WDFY4: variants seen among roughly 807,000 people sequenced by gnomAD.
WDFY4 encodes the protein WDFY family member 4.
In WDFY4, 169 loss-of-function variants were observed where a neutral mutation model predicts 351.9. The observed-to-expected ratio is 0.48, with a 90% CI of 0.42 to 0.55. The LOEUF is 0.55. WDFY4 is among the 20% of genes least tolerant of loss of function. The pLI is 0.00. For synonymous variants in WDFY4, 1,622 were observed against 1,574.6 expected, an observed-to-expected ratio of 1.03 and a Z score of -0.71; for missense variants, 3,803 against 3,935.6, an observed-to-expected ratio of 0.97 and a Z score of 0.90.
chr10:48,928,585 G>C (rs1485338857), intron 47 of WDFY4, among the ~76,000 whole-genome samples: 1 of 152,186 alleles, frequency 6.6e-6, no homozygotes, highest in Non-Finnish European at 1.5e-5. Context: ...GGGGCCAAGA[G>C]GACACATTGC....
At chr10:48,911,982 T>G (rs982342246) in intron 47 of WDFY4, among the ~76,000 whole-genome samples, 1 of 152,188 alleles carries the variant, frequency 6.6e-6, no homozygotes, top group East Asian at 1.9e-4. Context: ...TAATACCACT[T>G]CACTGATGGA....
chr10:48,869,542 AT>A (rs35719998), intron 40 of WDFY4, among the ~76,000 whole-genome samples: 88,813 of 148,248 alleles, frequency 0.6, 27,207 homozygotes, highest in East Asian at 0.83. Context: ...CAATCAGCCA[AT>A]TTTTTTTTTT....
At chr10:48,687,148 C>T (rs1297987401) in intron 1 of WDFY4, among the ~76,000 whole-genome samples, 1 of 152,102 alleles carries the variant, frequency 6.6e-6, no homozygotes, top group Non-Finnish European at 1.5e-5. Flanking sequence ...TGTTTATTGG[C>T]CATTTGGGGT....
At chr10:48,796,217 G>C (rs2066869773) in intron 23 of WDFY4, 81 bp from the exon 24 acceptor site, 1 of 1,457,292 alleles carries the variant, frequency 6.9e-7, no homozygotes, top group Non-Finnish European at 9.2e-7. Flanking sequence ...AAGGTTTGCA[G>C]ACTGGACTGG....
intron 47 of WDFY4, chr10:48,935,257 G>C (rs372482912): frequency 6.6e-6 from 1 of 152,254 alleles, no homozygotes; most frequent in South Asian, 2.1e-4. Flanking sequence ...GAGGTCATTA[G>C]CACAGTCTTG....
At chr10:48,695,537 G>C (rs72787282) in intron 1 of WDFY4, among the ~76,000 whole-genome samples, 5,413 of 152,334 alleles carry the variant, frequency 0.036, 147 homozygotes, top group Non-Finnish European at 0.049. Flanking sequence ...CATCTGTACA[G>C]TGGGAATAGT....
intron 39 of WDFY4, among the ~76,000 whole-genome samples, chr10:48,835,836 T>TA: frequency 6.6e-6 from 1 of 152,250 alleles, no homozygotes; most frequent in Non-Finnish European, 1.5e-5. Context: ...AGACACATTA[T>TA]TTTGGAAACA....
chr10:48,865,069 T>A (rs566359907), intron 39 of WDFY4, among the ~76,000 whole-genome samples: 1 of 152,328 alleles, frequency 6.6e-6, no homozygotes, highest in East Asian at 1.9e-4. Context: ...CTTGTCTGGT[T>A]GTCCTGTCTA....
At chr10:48,903,094 A>G (rs1837441957) in intron 47 of WDFY4, among the ~76,000 whole-genome samples, 2 of 152,122 alleles carry the variant, frequency 1.3e-5, no homozygotes, top group Non-Finnish European at 2.9e-5. Context: ...TGGGCGACAG[A>G]GCAAGACTCT....
At chr10:48,710,513 T>G (rs1338925022) in intron 2 of WDFY4, among the ~76,000 whole-genome samples, 1 of 152,166 alleles carries the variant, frequency 6.6e-6, no homozygotes, top group Non-Finnish European at 1.5e-5. Context: ...AGCTTCTGAG[T>G]AATACTGTCT....
chr10:48,704,462 C>T (rs2063568567), intron 1 of WDFY4, among the ~76,000 whole-genome samples: 1 of 152,164 alleles, frequency 6.6e-6, no homozygotes, highest in African/African-American at 2.4e-5. Context: ...CTTGTCTTTT[C>T]CTGGAGGCTC....
At chr10:48,937,810 G>A (rs1296037014) in intron 47 of WDFY4, among the ~76,000 whole-genome samples, 3 of 152,122 alleles carry the variant, frequency 2.0e-5, no homozygotes, top group Non-Finnish European at 4.4e-5. Context: ...GCCCTGCCTG[G>A]GTTTAAAAAG....
rs770917346 is a variant in WDFY4, at chr10:48,774,678, A to T, written c.2768+6A>T. On this transcript the variant is annotated splice_donor_region_variant and intron_variant, in intron 14 of 61. Transcript: ENST00000325239. The stretch of plus-strand genomic sequence containing the variant: ...ATTGAACCGGATGTGCTAAGGTACC[A>T]CATGCTGCATATTCAGTGCCGCCAA... The T allele has an allele frequency of 5.4e-4, 840 of 1,551,512 alleles. No individual in the cohort carries two copies. The highest frequency in any genetic ancestry group is 7.1e-4 in the Non-Finnish European group (812 of 1,146,948).
chr10:48,900,179 C>A, intron 45 of WDFY4, 42 bp from the exon 46 acceptor site: 1 of 1,533,198 alleles, frequency 6.5e-7, no homozygotes, highest in Non-Finnish European at 8.8e-7. Context: ...CGTCTCTAGT[C>A]CACAAAATAT....
intron 45 of WDFY4, among the ~76,000 whole-genome samples, chr10:48,899,874 T>C (rs892678166): frequency 6.6e-6 from 1 of 152,100 alleles, no homozygotes; most frequent in Non-Finnish European, 1.5e-5. Flanking sequence ...TTCTGGTAAG[T>C]TGACCCCCTG....
chr10:48,718,828 G>A (rs1011307878), intron 2 of WDFY4, among the ~76,000 whole-genome samples: 13 of 152,222 alleles, frequency 8.5e-5, no homozygotes, highest in Non-Finnish European at 1.8e-4. Flanking sequence ...GGCTGCTACA[G>A]AAATAGGGAG....
chr10:48,968,264 T>A (rs1462140032), intron 55 of WDFY4: 3 of 152,326 alleles, frequency 2.0e-5, no homozygotes, highest in Admixed American at 2.0e-4. Context: ...TCCTGGCAGA[T>A]GCTGGTGCCA....
chr10:48,974,759 T>G, intron 57 of WDFY4, 103 bp from the exon 58 acceptor site: 1 of 1,237,358 alleles, frequency 8.1e-7, no homozygotes, highest in African/African-American at 1.5e-5. Context: ...ACTCAGAATC[T>G]CCATTTCCTC....
Position 48,796,381 on chromosome 10 carries a change from G to A in WDFY4, c.4341G>A (p.Val1447=). 6.4e-7 allele frequency: 1 copy of A among 1,552,272 alleles called. No individual in the cohort carries two copies. The highest frequency in any genetic ancestry group is 8.7e-7 in the Non-Finnish European group (1 of 1,147,136). ...TGATCCTCTCAGTGGCTGGCACTGT[G>A]GAGCTGGGCTTCAGGTCATCTGCTA... The part of the protein sequence containing the change: ...FQLILSVAGT[V]ELGFRSSAIT... The change falls in exon 24 of 62, where the codon GTG becomes GTA. Residue 1447 remains valine, a synonymous_variant. Coordinates refer to ENST00000325239, the MANE Select transcript of WDFY4 (RefSeq NM_001394531.1).
Sources: allele counts gnomAD v4.1 joint callset (sites outside exome capture counted in the v4.1 genomes callset), GRCh38; gene constraint gnomAD v4.1.1; transcripts MANE v1.5; gene names NCBI Gene and HGNC (gene_info 2026-07-23, HGNC 2026-07-21).